The following PRRC2C variants were observed in gnomAD, a reference collection of about 807,000 sequenced individuals.
PRRC2C encodes protein PRRC2C.
A neutral mutation model predicts 317.2 loss-of-function variants in PRRC2C; 72 were observed. The observed-to-expected ratio is 0.23, with a 90% CI of 0.19 to 0.28. PRRC2C has a LOEUF of 0.28. Ranked by LOEUF, PRRC2C falls within the 10% of genes least tolerant of loss-of-function variation. PRRC2C has a pLI of 1.00. For missense variants in PRRC2C, 3,074 were observed against 3,459.7 expected (o/e 0.89, Z 2.80); for synonymous variants, 1,296 against 1,205.9 (o/e 1.07, Z -1.55).
chr1:171,517,938 T>A (rs1232524435), intron 6 of PRRC2C, 124 bp downstream of exon 6: 2 of 725,154 alleles, frequency 2.8e-6, no homozygotes, highest in Non-Finnish European at 4.4e-6. Context: ...AAAATTAGCA[T>A]TCTCTTTTAT....
In PRRC2C at chr1:171,592,069, G is replaced by A; in HGVS notation, c.*222G>A. On this transcript the variant is annotated 3_prime_UTR_variant, in exon 35 of 35. Coordinates refer to ENST00000647382, the MANE Select transcript of PRRC2C (RefSeq NM_001387844.1). ...TGTACCTACTATATAACATGTGCTTGGTTGATGGCCATGCATCTTCAGTCA... is the reference window on the plus strand; with the variant it reads ...TGTACCTACTATATAACATGTGCTTAGTTGATGGCCATGCATCTTCAGTCA... The A allele has an allele frequency of 4.4e-6, 2 of 455,796 alleles. No homozygotes were observed. The highest frequency in any genetic ancestry group is 3.8e-6 in the Non-Finnish European group (1 of 263,610). 28.2% of individuals were successfully genotyped at this position (455,796 alleles called of 1,614,324 possible).
chr1:171,499,976 G>T (rs1381557420), intron 1 of PRRC2C, among the ~76,000 whole-genome samples: 1 of 152,158 alleles, frequency 6.6e-6, no homozygotes, highest in Non-Finnish European at 1.5e-5. Context: ...ATTATTTCCT[G>T]ATTTACAAAT....
Position 171,522,233 on chromosome 1 carries a change from C to T in PRRC2C, c.807C>T (p.Phe269=). The T allele has an allele frequency of 6.3e-7, 1 of 1,591,350 alleles. No homozygotes were observed. Among genetic ancestry groups the T allele is most frequent in the South Asian group, 1.1e-5 (1 of 90,104 alleles). The stretch of plus-strand genomic sequence containing the variant: ...CTCCTCTACATGGTCCCATGAGATT[C>T]CCACCTTCTTTATCTGAAACAAACA... The part of the protein sequence containing the change: ...TYPPLHGPMR[F]PPSLSETNKG... Residue 269 remains phenylalanine, a synonymous_variant, in exon 7 of 35, where the codon TTC becomes TTT. Coordinates refer to ENST00000647382, the MANE Select transcript of PRRC2C (RefSeq NM_001387844.1).
chr1:171,564,330 G>A (rs955096820), intron 20 of PRRC2C, among the ~76,000 whole-genome samples: 38 of 151,962 alleles, frequency 2.5e-4, no homozygotes, highest in Admixed American at 6.6e-4. Context: ...TCATTTCAAA[G>A]GATATAACAT....
At chr1:171,575,954 G>A (rs1459901188) in intron 25 of PRRC2C, among the ~76,000 whole-genome samples, 1 of 152,026 alleles carries the variant, frequency 6.6e-6, no homozygotes, top group Non-Finnish European at 1.5e-5. Context: ...AGCCCACCGT[G>A]CTATTTTTAG....
chr1:171,582,663 A>G (rs1046315557), intron 28 of PRRC2C, among the ~76,000 whole-genome samples: 1 of 152,144 alleles, frequency 6.6e-6, no homozygotes, highest in Non-Finnish European at 1.5e-5. Context: ...AATCTAAACA[A>G]TCTAAACAGA....
In PRRC2C at chr1:171,553,786, G is replaced by C. The variant is rs1680785341; in HGVS notation, c.5128-3454G>C. 2.0e-5 allele frequency among the ~76,000 whole-genome samples: 3 copies of C among 152,188 alleles called. No homozygotes were observed. The South Asian group carries it at 6.2e-4, about 31-fold the overall frequency. Reference sequence around the variant, plus strand: ...CATGTAGTTGTGTGGTTTTGAGTGAGTTTCTTAATCCTGAGTTCTAATTTG... The same window carrying C: ...CATGTAGTTGTGTGGTTTTGAGTGACTTTCTTAATCCTGAGTTCTAATTTG... On this transcript the variant is annotated intron_variant, in intron 18 of 34. Coordinates refer to ENST00000647382, the MANE Select transcript of PRRC2C (RefSeq NM_001387844.1).
At chr1:171,556,958 G>A (rs1210214230) in intron 18 of PRRC2C, among the ~76,000 whole-genome samples, 1 of 152,214 alleles carries the variant, frequency 6.6e-6, no homozygotes, top group Non-Finnish European at 1.5e-5. Flanking sequence ...GCTCAGGTAA[G>A]TTTTGCTGCC....
chr1:171,509,562 T>A (rs1484079675), intron 1 of PRRC2C: 1 of 152,214 alleles, frequency 6.6e-6, no homozygotes, highest in Non-Finnish European at 1.5e-5. Context: ...AAGAATTTTT[T>A]TTTTTAAAAA....
chr1:171,588,417 T>C lies in PRRC2C; in HGVS notation c.8111T>C (p.Met2704Thr), dbSNP rs1032990094. Residue 2704 changes from methionine to threonine, a missense_variant, in exon 33 of 35, where the codon ATG (methionine) becomes ACG (threonine). This residue lies in a region of PRRC2C where 490 missense variants were observed against 663.1 expected (regional missense o/e 0.74). Coordinates refer to ENST00000647382, the MANE Select transcript of PRRC2C (RefSeq NM_001387844.1). ...STSPNSQSSK[M>T]NSIVYQKQFQ... ...AGTCCGAACAGCCAGTCCAGCAAAATGAACAGCATTGTCTACCAGAAGCAG... is the reference window on the plus strand; with the variant it reads ...AGTCCGAACAGCCAGTCCAGCAAAACGAACAGCATTGTCTACCAGAAGCAG... 1.2e-6 allele frequency: 2 copies of C among 1,613,616 alleles called. No homozygotes were observed.
At chr1:171,527,456 C>G (rs1393936690) in intron 10 of PRRC2C, among the ~76,000 whole-genome samples, 1 of 151,794 alleles carries the variant, frequency 6.6e-6, no homozygotes, top group Non-Finnish European at 1.5e-5. Context: ...TTACATGGTT[C>G]TTTTTAAGTA....
intron 22 of PRRC2C, among the ~76,000 whole-genome samples, chr1:171,567,051 A>C (rs919465687): frequency 6.6e-6 from 1 of 152,180 alleles, no homozygotes; most frequent in African/African-American, 2.4e-5. Flanking sequence ...GAGGAAATTT[A>C]CTCTGAATTC....
chr1:171,503,339 C>T (rs1211476868), intron 1 of PRRC2C, among the ~76,000 whole-genome samples: 1 of 152,084 alleles, frequency 6.6e-6, no homozygotes, highest in Non-Finnish European at 1.5e-5. Flanking sequence ...GCCTAGCCAA[C>T]ATGACAAAAC....
chr1:171,528,811 G>T (rs1316667538), intron 11 of PRRC2C, among the ~76,000 whole-genome samples: 1 of 151,426 alleles, frequency 6.6e-6, no homozygotes. Context: ...TCCTTCTTTT[G>T]TATATGCATA....
At chr1:171,579,582 T>C (rs1271628911) in intron 27 of PRRC2C, 116 bp downstream of exon 27, 5 of 1,433,956 alleles carry the variant, frequency 3.5e-6, no homozygotes, top group Non-Finnish European at 3.6e-6. Flanking sequence ...CACGATTAGC[T>C]TGATATTCTA....
chr1:171,489,587 G>T (rs985184864), intron 1 of PRRC2C, among the ~76,000 whole-genome samples: 2 of 152,176 alleles, frequency 1.3e-5, no homozygotes, highest in Non-Finnish European at 2.9e-5. Context: ...GAATAATTGT[G>T]ATTATTAATA....
At chr1:171,509,844 C>CTTTTTTTTTTTTTTT (rs11363110) in intron 1 of PRRC2C, 1 of 59,770 alleles carries the variant, frequency 1.7e-5, no homozygotes, top group Non-Finnish European at 2.9e-5. Context: ...AACATTGTTT[C>CTTTTTTTTTTTTTTT]TTTTTTTTTT....
Position 171,540,316 on chromosome 1 carries a change from A to G in PRRC2C, c.2850A>G (p.Lys950=). ...QRSEPSAGIP[K]VTSRCIDSKE... is the part of the protein sequence containing the mutation. ...GTGAACCATCTGCAGGCATTCCTAA[A>G]GTAACCAGCAGATGCATTGATTCAA... The change falls in exon 16 of 35, where the codon AAA becomes AAG. Residue 950 remains lysine, a synonymous_variant. Transcript: ENST00000647382. The G allele has an allele frequency of 6.2e-7, 1 of 1,613,776 alleles. No individual in the cohort carries two copies. The highest frequency in any genetic ancestry group is 8.5e-7 in the Non-Finnish European group (1 of 1,179,820).
At chr1:171,487,467 A>G (rs901245006) in intron 1 of PRRC2C, among the ~76,000 whole-genome samples, 3 of 152,210 alleles carry the variant, frequency 2.0e-5, no homozygotes, top group Admixed American at 2.0e-4. Context: ...CTAAGGTTAA[A>G]GTTTTGAAAG....
Sources: gnomAD v4.1 joint callset for allele counts (sites outside exome capture counted in the v4.1 genomes callset) on GRCh38, gnomAD v4.1.1 for gene constraint, gnomAD v4.1.1 regional missense constraint, MANE v1.5 for transcripts, NCBI Gene and HGNC (gene_info 2026-07-23, HGNC 2026-07-21) for gene names.